GRIK3: variants seen among roughly 807,000 people sequenced by gnomAD.
GRIK3 encodes the protein glutamate receptor ionotropic, kainate 3.
Under a neutral mutation model 102.5 loss-of-function variants are expected in GRIK3, and 29 were observed. The ratio of observed to expected loss-of-function variants is 0.28; its 90% CI spans 0.21 to 0.39. The LOEUF is 0.39. Among genes scored for constraint, GRIK3 ranks in the 10% least tolerant of loss-of-function variants. The pLI is 1.00. For missense variants in GRIK3, 908 were observed against 1,252.4 expected (o/e 0.73, Z 4.15); for synonymous variants, 511 against 504.9 (o/e 1.01, Z -0.16).
chr1:36,975,076 T>C (rs529222945), intron 1 of GRIK3, among the ~76,000 whole-genome samples: 25 of 152,252 alleles, frequency 1.6e-4, no homozygotes, highest in African/African-American at 6.0e-4. Flanking sequence ...TGGACAGTGG[T>C]GATAGATGTA....
intron 1 of GRIK3, among the ~76,000 whole-genome samples, chr1:36,935,293 A>G (rs762635448): frequency 6.6e-6 from 1 of 152,132 alleles, no homozygotes; most frequent in Non-Finnish European, 1.5e-5. Context: ...TTTAATTTCA[A>G]TTTAAACATC....
At chr1:36,921,504 G>A (rs958757411) in intron 1 of GRIK3, among the ~76,000 whole-genome samples, 9 of 152,172 alleles carry the variant, frequency 5.9e-5, no homozygotes, top group African/African-American at 2.2e-4. Flanking sequence ...CATGAGGATC[G>A]GGTGAGATGC....
rs141205472 is a variant in GRIK3, at chr1:36,973,720, C to T, written c.115+60274G>A. Among the ~76,000 whole-genome samples the T allele has an allele frequency of 4.6e-5, 7 of 152,082 alleles. No individual in the cohort carries two copies. The East Asian group carries it at 7.7e-4, about 17-fold the overall frequency. ...CTGGGATTACAGGCATGAGCCACCG[C>T]GCTGGGCCTAGACATCACTTCTTTA... On this transcript the variant is annotated intron_variant, in intron 1 of 15. Coordinates refer to ENST00000373091, the MANE Select transcript of GRIK3 (RefSeq NM_000831.4).
At chr1:36,802,960 C>T (rs1305048521) in intron 15 of GRIK3, among the ~76,000 whole-genome samples, 1 of 152,094 alleles carries the variant, frequency 6.6e-6, no homozygotes, top group Non-Finnish European at 1.5e-5. Flanking sequence ...CTACTATGTG[C>T]CAGGCACTGT....
chr1:36,888,861 G>T (rs1039096378), intron 2 of GRIK3, among the ~76,000 whole-genome samples: 8 of 152,102 alleles, frequency 5.3e-5, no homozygotes, highest in African/African-American at 1.9e-4. Context: ...TTTTCTGGTT[G>T]TTATAGTTAT....
intron 10 of GRIK3, among the ~76,000 whole-genome samples, chr1:36,826,561 G>A (rs1408841361): frequency 1.3e-5 from 2 of 152,052 alleles, no homozygotes; most frequent in Admixed American, 1.3e-4. Context: ...CCAGCTACTT[G>A]GGAGGCTGAG....
At chr1:36,818,014 G>C (rs16823527) in intron 12 of GRIK3, among the ~76,000 whole-genome samples, 4,299 of 152,246 alleles carry the variant, frequency 0.028, 185 homozygotes, top group African/African-American at 0.098. Flanking sequence ...CCTTCTAACT[G>C]AAGTAATTAA....
chr1:36,857,917 C>A (rs552980780), intron 7 of GRIK3, among the ~76,000 whole-genome samples: 1 of 152,340 alleles, frequency 6.6e-6, no homozygotes, highest in East Asian at 1.9e-4. Context: ...TCTGTTTTAG[C>A]TCTGTTGGGC....
chr1:36,941,201 C>G (rs560103293), intron 1 of GRIK3, among the ~76,000 whole-genome samples: 2 of 152,310 alleles, frequency 1.3e-5, no homozygotes, highest in South Asian at 2.1e-4. Context: ...GACCAAAAAT[C>G]CAGGCAGCCT....
intron 8 of GRIK3, among the ~76,000 whole-genome samples, chr1:36,851,182 AAC>A (rs58970923): frequency 0.042 from 6,319 of 152,238 alleles, 431 homozygotes; most frequent in African/African-American, 0.14. Flanking sequence ...TAATCAATTA[AAC>A]AGAGAGGCTG....
chr1:37,027,732 C>A (rs1195304668), intron 1 of GRIK3, among the ~76,000 whole-genome samples: 1 of 152,214 alleles, frequency 6.6e-6, no homozygotes, highest in African/African-American at 2.4e-5. Context: ...CTGACCATGC[C>A]TGTCTCAAAT....
intron 1 of GRIK3, among the ~76,000 whole-genome samples, chr1:36,941,518 G>A (rs1263412844): frequency 2.0e-5 from 3 of 152,120 alleles, no homozygotes; most frequent in African/African-American, 7.2e-5. Flanking sequence ...TCCCATGCTG[G>A]CTGGCTCTCT....
chr1:36,828,696 A>ATTAT (rs1642782093), intron 10 of GRIK3, among the ~76,000 whole-genome samples: 2 of 152,352 alleles, frequency 1.3e-5, no homozygotes, highest in African/African-American at 4.8e-5. Context: ...CTCCAAAGTC[A>ATTAT]TTATCATTGC....
chr1:36,914,954 T>C (rs55713840), intron 1 of GRIK3, among the ~76,000 whole-genome samples: 3,463 of 152,292 alleles, frequency 0.023, 145 homozygotes, highest in African/African-American at 0.079. Flanking sequence ...CTCCCTGAGG[T>C]AGTTGTTTCA....
At chr1:36,894,706 C>G (rs991741239) in intron 1 of GRIK3, among the ~76,000 whole-genome samples, 1 of 152,184 alleles carries the variant, frequency 6.6e-6, no homozygotes, top group African/African-American at 2.4e-5. Flanking sequence ...TGACTAGTTG[C>G]TGGAGGCTCA....
chr1:36,895,822 C>T (rs1641165913), intron 1 of GRIK3, among the ~76,000 whole-genome samples: 1 of 151,716 alleles, frequency 6.6e-6, no homozygotes, highest in Non-Finnish European at 1.5e-5. Flanking sequence ...GACACTGAGG[C>T]ATATCATTTT....
chr1:36,941,272 C>T (rs1008044213), intron 1 of GRIK3, among the ~76,000 whole-genome samples: 44 of 152,340 alleles, frequency 2.9e-4, no homozygotes, highest in African/African-American at 9.9e-4. Context: ...CCACTCCAAG[C>T]GCCAGACACA....
intron 1 of GRIK3, among the ~76,000 whole-genome samples, chr1:36,985,710 G>C (rs1301484148): frequency 6.6e-6 from 1 of 152,142 alleles, no homozygotes. Flanking sequence ...CTGAATGGCA[G>C]AGGGCAACTC....
At chr1:36,878,171 C>T (rs1640929858) in intron 3 of GRIK3, among the ~76,000 whole-genome samples, 1 of 152,212 alleles carries the variant, frequency 6.6e-6, no homozygotes, top group Non-Finnish European at 1.5e-5. Context: ...AAGCTCCTGG[C>T]CTGGAAGCAG....
Sources: allele counts gnomAD v4.1 joint callset (sites outside exome capture counted in the v4.1 genomes callset), GRCh38; gene constraint gnomAD v4.1.1; transcripts MANE v1.5; gene names NCBI Gene and HGNC (gene_info 2026-07-23, HGNC 2026-07-21).